The following EMP1 variants were observed in gnomAD, a reference collection of about 807,000 sequenced individuals.
The protein encoded by EMP1 is epithelial membrane protein 1.
In EMP1, 5 loss-of-function variants were observed where a neutral mutation model predicts 15.7. The ratio of observed to expected loss-of-function variants is 0.32; its 90% CI spans 0.17 to 0.67. EMP1 has a LOEUF of 0.67. EMP1 is among the 30% of genes least tolerant of loss of function. EMP1 has a pLI of 0.74. For missense variants in EMP1, 166 were observed against 194.2 expected, an observed-to-expected ratio of 0.85 and a Z score of 0.86; for synonymous variants, 78 against 76.7, an observed-to-expected ratio of 1.02 and a Z score of -0.09.
chr12:13,217,798 G>T lies in EMP1; in HGVS notation c.*3107G>T, dbSNP rs558688641. Reference sequence around the variant, plus strand: ...GAGAAACAGAAAAAATAAGATTCGCGTGTGTGTGCAAACATATATATAAAT... The same window carrying T: ...GAGAAACAGAAAAAATAAGATTCGCTTGTGTGTGCAAACATATATATAAAT... On this transcript the variant is annotated 3_prime_UTR_variant, in exon 5 of 5. Transcript: ENST00000256951. 2 of 116,760 alleles carry T rather than the reference G, an allele frequency of 1.7e-5. No homozygotes were observed. Among genetic ancestry groups the T allele is most frequent in the Non-Finnish European group, 3.5e-5 (2 of 56,636 alleles). The allele number at this position is 116,760 out of a possible 1,614,324, so 7.2% of individuals were successfully genotyped here. A position where few individuals can be genotyped will look rare whatever the true frequency, so the allele number is the denominator to read the frequency against.
At chr12:13,199,974 T>TC (rs918653427) in intron 1 of EMP1, among the ~76,000 whole-genome samples, 1 of 151,518 alleles carries the variant, frequency 6.6e-6, no homozygotes, top group African/African-American at 2.4e-5. Flanking sequence ...CTTTTTTTTT[T>TC]TTTTTTTGCC....
chr12:13,214,335 G>T, intron 4 of EMP1, 199 bp from the exon 5 acceptor site: 1 of 698,186 alleles, frequency 1.4e-6, no homozygotes, highest in Non-Finnish European at 2.3e-6. Flanking sequence ...AGACATGAGA[G>T]CCCAGACACC....
At chr12:13,200,793 T>C (rs996442552) in intron 1 of EMP1, among the ~76,000 whole-genome samples, 1 of 152,220 alleles carries the variant, frequency 6.6e-6, no homozygotes, top group African/African-American at 2.4e-5. Flanking sequence ...GTCAAGGTTT[T>C]CTTTTGTGTT....
intron 1 of EMP1, among the ~76,000 whole-genome samples, chr12:13,201,563 GCAA>G (rs2121144946): frequency 6.6e-6 from 1 of 152,248 alleles, no homozygotes; most frequent in East Asian, 1.9e-4. Flanking sequence ...GTGAAATAGG[GCAA>G]CGTGTGGCAT....
At chr12:13,197,798 A>G (rs989577804) in intron 1 of EMP1, among the ~76,000 whole-genome samples, 1 of 152,170 alleles carries the variant, frequency 6.6e-6, no homozygotes, top group African/African-American at 2.4e-5. Flanking sequence ...AAGAAAAAGA[A>G]AAAAAATGAA....
rs1024709722 is a variant in EMP1 at position 13,218,028 on chromosome 12, G to A, written c.*3337G>A. On this transcript the variant is annotated 3_prime_UTR_variant, in exon 5 of 5. Coordinates refer to ENST00000256951, the MANE Select transcript of EMP1 (RefSeq NM_001423.3). ...AGACAAATTGAATTAAAGTGGTTAA[G>A]TAAATACTCTTAGGTGAAATTTGTG... 1 of 152,152 alleles carries A rather than the reference G, an allele frequency of 6.6e-6. No individual in the cohort carries two copies. The allele number at this position is 152,152 out of a possible 1,614,324, so 9.4% of individuals were successfully genotyped here.
At position 13,218,706 on chromosome 12, in the gene EMP1, C is replaced by T. The variant is rs974542527; in HGVS notation, c.*4015C>T. The T allele has an allele frequency of 3.9e-5, 6 of 152,180 alleles. No homozygotes were observed. Among genetic ancestry groups the T allele is most frequent in the South Asian group, 4.1e-4 (2 of 4,820 alleles). The allele number at this position is 152,180 out of a possible 1,614,324, so 9.4% of individuals were successfully genotyped here. A position where few individuals can be genotyped will look rare whatever the true frequency, so the allele number is the denominator to read the frequency against. ...AGACATGTGAAGCCTACTCCTGAGG[C>T]GGGAGGCTGGGGACATGACCATCAA... On this transcript the variant is annotated 3_prime_UTR_variant, in exon 5 of 5. Coordinates refer to ENST00000256951, the MANE Select transcript of EMP1 (RefSeq NM_001423.3).
At chr12:13,212,315 C>G (rs1339776982) in intron 2 of EMP1, among the ~76,000 whole-genome samples, 1 of 152,162 alleles carries the variant, frequency 6.6e-6, no homozygotes. Flanking sequence ...GTGCTTTTCT[C>G]AGAAAAAAGC....
intron 1 of EMP1, chr12:13,199,563 C>T (rs1011473995): frequency 3.3e-5 from 5 of 152,238 alleles, no homozygotes; most frequent in Admixed American, 1.3e-4. Flanking sequence ...TCCTTCATTT[C>T]GTTCACAGAA....
chr12:13,213,835 G>A lies in EMP1; in HGVS notation c.316+14G>A, dbSNP rs750260641. The A allele has an allele frequency of 3.1e-6, 5 of 1,613,186 alleles. No individual in the cohort carries two copies. In the South Asian group the frequency reaches 4.4e-5, roughly 14 times the overall value. ...CACTGGTGTGCTGTGAGTATCTCAT[G>A]GGTAGACTCCAGTTTACACTTTTAA... On this transcript the variant is annotated intron_variant, in intron 4 of 4. Coordinates refer to ENST00000256951, the MANE Select transcript of EMP1 (RefSeq NM_001423.3).
At position 13,211,514 on chromosome 12, in the gene EMP1, T is replaced by G. The variant is rs1307760687; in HGVS notation, c.4T>G (p.Leu2Val). The change falls in exon 2 of 5, where the codon TTG (leucine) becomes GTG (valine). Residue 2 changes from leucine to valine, a missense_variant. Physicochemically the swap from Leu to Val is conservative, Grantham distance 32. Coordinates refer to ENST00000256951, the MANE Select transcript of EMP1 (RefSeq NM_001423.3). This position sits in a 1 kb window ranked among gnomAD's most constrained non-coding sequence, Gnocchi z 4.7. M[L>V]VLLAGIFVVH... ...TACCAAAAAAAAAAGAGCCAACATG[T>G]TGGTATTGCTGGCTGGTATCTTTGT... is the stretch of plus-strand genomic sequence containing the variant. 1.9e-6 allele frequency: 3 copies of G among 1,613,218 alleles called. No individual in the cohort carries two copies. In the African/African-American group the frequency reaches 4.0e-5, roughly 22 times the overall value.
rs1288561391 is a variant in EMP1 at position 13,211,598 on chromosome 12, G to A, written c.78+10G>A. The A allele has an allele frequency of 1.2e-6, 2 of 1,611,884 alleles. No homozygotes were observed. Among genetic ancestry groups the A allele is most frequent in the Non-Finnish European group, 1.7e-6 (2 of 1,179,196 alleles). On this transcript the variant is annotated intron_variant, in intron 2 of 4. Transcript: ENST00000256951. The surrounding 1 kb of genome is among the most constrained non-coding windows in gnomAD (Gnocchi z 4.7). ...TAGCACCATTGCCAATGTGAGTAAT[G>A]TTCTTTTGTTCATTCATTCATTGAG...
rs937426051 is a variant in EMP1, at chr12:13,217,033, G to A, written c.*2342G>A. The stretch of plus-strand genomic sequence containing the variant: ...CTTCATAAGCTAATACATTAGAAAG[G>A]GGTTATGATTATAAATCAGAAATGC... On this transcript the variant is annotated 3_prime_UTR_variant, in exon 5 of 5. Coordinates refer to ENST00000256951, the MANE Select transcript of EMP1 (RefSeq NM_001423.3). 1 of 152,246 alleles carries A rather than the reference G, an allele frequency of 6.6e-6. No individual in the cohort carries two copies. Among genetic ancestry groups the A allele is most frequent in the African/African-American group, 2.4e-5 (1 of 41,450 alleles). 9.4% of individuals were successfully genotyped at this position (152,246 alleles called of 1,614,324 possible).
rs777789612 is a variant in EMP1 at position 13,211,633 on chromosome 12, G to C, written c.78+45G>C. 2.5e-6 allele frequency: 4 copies of C among 1,603,148 alleles called. No individual in the cohort carries two copies. The highest frequency in any genetic ancestry group is 1.7e-4 in the Middle Eastern group (1 of 6,028). On this transcript the variant is annotated intron_variant, in intron 2 of 4. Transcript: ENST00000256951. This position sits in a 1 kb window ranked among gnomAD's most constrained non-coding sequence, Gnocchi z 4.7. ...TCATTCATTCATTGAGAAATCATTC[G>C]AATATTTACATCAAGTGCACAAAAG...
In EMP1 at chr12:13,213,551, G is replaced by T; in HGVS notation, c.151G>T (p.Asp51Tyr). 6.2e-7 allele frequency: 1 copy of T among 1,614,186 alleles called. No individual in the cohort carries two copies. Among genetic ancestry groups the T allele is most frequent in the South Asian group, 1.1e-5 (1 of 91,076 alleles). ...WKNCTNISCS[D>Y]SLSYASEDAL... The stretch of plus-strand genomic sequence containing the variant: ...AAACTGTACCAACATTAGCTGCAGT[G>T]ACAGCCTGTCATATGCCAGTGAAGG... Residue 51 changes from aspartate to tyrosine, a missense_variant, in exon 3 of 5, where the codon GAC becomes TAC. Coordinates refer to ENST00000256951, the MANE Select transcript of EMP1 (RefSeq NM_001423.3).
chr12:13,214,405 T>G, intron 4 of EMP1, 129 bp from the exon 5 acceptor site: 1 of 1,342,666 alleles, frequency 7.4e-7, no homozygotes, highest in Non-Finnish European at 1.0e-6. Context: ...AACTCCTGTT[T>G]AGGGACAAAC....
In EMP1 at chr12:13,211,410, C is replaced by A; in HGVS notation, c.-42-59C>A. 8.4e-7 allele frequency: 1 copy of A among 1,193,624 alleles called. No individual in the cohort carries two copies. The highest frequency in any genetic ancestry group is 1.2e-6 in the Non-Finnish European group (1 of 811,956). The allele number at this position is 1,193,624 out of a possible 1,614,324, so 73.9% of individuals were successfully genotyped here. On this transcript the variant is annotated intron_variant, in intron 1 of 4. Transcript: ENST00000256951. The surrounding 1 kb of genome is among the most constrained non-coding windows in gnomAD (Gnocchi z 4.7). ...CAGATAGCCCACACGTGTGGGAAAG[C>A]TGAGTCGTCTTATTGAATCTGACAG...
Position 13,215,239 on chromosome 12 carries a change from G to A in EMP1, c.*548G>A, listed in dbSNP as rs1864204368. ...CTCTTTGGAACAGATATTTAGCTCT[G>A]TGGAATTCAGTGACAAAATGGGAGG... On this transcript the variant is annotated 3_prime_UTR_variant, in exon 5 of 5. Transcript: ENST00000256951. The A allele has an allele frequency of 6.5e-6, 1 of 152,932 alleles. No individual in the cohort carries two copies. Among genetic ancestry groups the A allele is most frequent in the Non-Finnish European group, 1.5e-5 (1 of 68,608 alleles). The allele number at this position is 152,932 out of a possible 1,614,324, so 9.5% of individuals were successfully genotyped here. A position where few individuals can be genotyped will look rare whatever the true frequency, so the allele number is the denominator to read the frequency against.
At position 13,215,887 on chromosome 12, in the gene EMP1, C is replaced by T. The variant is rs1864210594; in HGVS notation, c.*1196C>T. ...ATATAATTGTGAAGTATTAAGCCTA[C>T]CGTATTTCAGCCATGATAAGAACAG... On this transcript the variant is annotated 3_prime_UTR_variant, in exon 5 of 5. Transcript: ENST00000256951. 6.3e-6 allele frequency: 1 copy of T among 157,754 alleles called. No individual in the cohort carries two copies. Among genetic ancestry groups the T allele is most frequent in the Non-Finnish European group, 1.4e-5 (1 of 71,162 alleles). The allele number at this position is 157,754 out of a possible 1,614,324, so 9.8% of individuals were successfully genotyped here.
Sources: allele counts gnomAD v4.1 joint callset (sites outside exome capture counted in the v4.1 genomes callset), GRCh38; gene constraint gnomAD v4.1.1; non-coding constraint Gnocchi (gnomAD v3.1); transcripts MANE v1.5; gene names NCBI Gene and HGNC (gene_info 2026-07-23, HGNC 2026-07-21).